The following C17orf75 variants were observed in gnomAD, a reference collection of about 807,000 sequenced individuals.
C17orf75 encodes the protein chromosome 17 open reading frame 75.
C17orf75 carries 32 observed loss-of-function variants against 49.6 expected under a neutral mutation model. That is an observed-to-expected ratio of 0.65 (90% confidence interval 0.49 to 0.87). C17orf75 has a LOEUF of 0.87. C17orf75 is among the 40% of genes least tolerant of loss of function. The pLI is 0.00. For missense variants in C17orf75, 428 were observed against 473.9 expected (o/e 0.90, Z 0.90); for synonymous variants, 158 against 159.5 (o/e 0.99, Z 0.07).
chr17:32,338,324 A>G lies in C17orf75; in HGVS notation c.375T>C (p.Tyr125=). 6.2e-7 allele frequency: 1 copy of G among 1,609,024 alleles called. No homozygotes were observed. Among genetic ancestry groups the G allele is most frequent in the Non-Finnish European group, 8.5e-7 (1 of 1,178,770 alleles). The stretch of plus-strand genomic sequence containing the variant: ...GTTTTTCATTTTGGAAAAGGCAGTA[A>G]TAACAACCAACTCGGTAACCTGGAA... The part of the protein sequence containing the change: ...LKIPGYRVGC[Y]YCLFQNEKLL... Residue 125 remains tyrosine (Y), a synonymous_variant, in exon 4 of 10, where the codon TAT becomes TAC. Coordinates refer to ENST00000577809, the MANE Select transcript of C17orf75 (RefSeq NM_022344.4).
chr17:32,345,717 C>T (rs1271891430), upstream of C17orf75, among the ~76,000 whole-genome samples: 1 of 152,118 alleles, frequency 6.6e-6, no homozygotes, highest in Admixed American at 6.6e-5. Flanking sequence ...GTAGTCCCAG[C>T]TACTCGGGAG....
intron 5 of C17orf75, among the ~76,000 whole-genome samples, chr17:32,337,339 T>C (rs1353013852): frequency 6.6e-6 from 1 of 151,938 alleles, no homozygotes; most frequent in African/African-American, 2.4e-5. Flanking sequence ...GGTATTTGCC[T>C]GTAGTCCCAG....
chr17:32,349,190 A>G (rs2041458207), intron 1 of C17orf75, among the ~76,000 whole-genome samples: 2 of 151,990 alleles, frequency 1.3e-5, no homozygotes, highest in Non-Finnish European at 2.9e-5. Context: ...TCTTACCACG[A>G]TTAGTTTTTC....
At chr17:32,339,720 G>A in intron 3 of C17orf75, 93 bp downstream of exon 3, 1 of 1,513,980 alleles carries the variant, frequency 6.6e-7, no homozygotes, top group Non-Finnish European at 8.9e-7. Flanking sequence ...AAATTCTGCA[G>A]GTCTAGTAGG....
chr17:32,348,867 C>CGTTTTTTTTT (rs2041451084), intron 1 of C17orf75, among the ~76,000 whole-genome samples: 1 of 108,848 alleles, frequency 9.2e-6, no homozygotes, highest in Non-Finnish European at 1.8e-5. Context: ...CAGCTCCAGT[C>CGTTTTTTTTT]TTTTTTTTTT....
At position 32,333,826 on chromosome 17, in the gene C17orf75, T is replaced by C. The variant is rs144733907; in HGVS notation, c.872-306A>G. 1.2e-4 allele frequency among the ~76,000 whole-genome samples: 19 copies of C among 152,202 alleles called. No individual in the cohort carries two copies. In the East Asian group the frequency reaches 3.3e-3, roughly 26 times the overall value. On this transcript the variant is annotated intron_variant, in intron 8 of 9. Coordinates refer to ENST00000577809, the MANE Select transcript of C17orf75 (RefSeq NM_022344.4). Reference sequence around the variant, plus strand: ...ATTATTTAAGACATGTATAATGGCCTAAAAAAACAGTGTGCTCACCACATG... The same window carrying C: ...ATTATTTAAGACATGTATAATGGCCCAAAAAAACAGTGTGCTCACCACATG...
Position 32,338,365 on chromosome 17 carries a change from A to G in C17orf75, c.348-14T>C. 1 of 1,595,750 alleles carries G rather than the reference A, an allele frequency of 6.3e-7. No individual in the cohort carries two copies. Among genetic ancestry groups the G allele is most frequent in the Non-Finnish European group, 8.5e-7 (1 of 1,175,002 alleles). The stretch of plus-strand genomic sequence containing the variant: ...TAACCTGGAATTCTAGAAAAGAAAG[A>G]AAATGTAAAATGCATTATTTTGGTT... On this transcript the variant is annotated splice_polypyrimidine_tract_variant and intron_variant, in intron 3 of 9. Coordinates refer to ENST00000577809, the MANE Select transcript of C17orf75 (RefSeq NM_022344.4).
chr17:32,337,309 A>G (rs927161479), intron 5 of C17orf75, among the ~76,000 whole-genome samples: 5 of 151,952 alleles, frequency 3.3e-5, no homozygotes, highest in African/African-American at 1.2e-4. Flanking sequence ...AAAAAATACC[A>G]AAAGTTAGCC....
chr17:32,333,944 C>T (rs1395437599), intron 8 of C17orf75, among the ~76,000 whole-genome samples: 1 of 152,194 alleles, frequency 6.6e-6, no homozygotes, highest in African/African-American at 2.4e-5. Context: ...ATCATTCCCA[C>T]AGACGTCTTT....
upstream of C17orf75, among the ~76,000 whole-genome samples, chr17:32,345,372 A>T (rs2041417594): frequency 6.6e-6 from 1 of 151,984 alleles, no homozygotes; most frequent in African/African-American, 2.4e-5. Flanking sequence ...GCTACTCAGA[A>T]GGCTGAGGCA....
At chr17:32,335,480 C>A in intron 5 of C17orf75, 38 bp from the exon 6 acceptor site, 1 of 1,604,638 alleles carries the variant, frequency 6.2e-7, no homozygotes, top group Non-Finnish European at 8.5e-7. Flanking sequence ...TTAATATAAG[C>A]CTTTCCTTTA....
At chr17:32,334,223 TA>T (rs1393022115) in intron 8 of C17orf75, among the ~76,000 whole-genome samples, 1 of 152,248 alleles carries the variant, frequency 6.6e-6, no homozygotes, top group Non-Finnish European at 1.5e-5. Context: ...ATGGACATTT[TA>T]AAATTCATCT....
chr17:32,338,357 A>G lies in C17orf75; in HGVS notation c.348-6T>C. The G allele has an allele frequency of 6.3e-7, 1 of 1,596,496 alleles. No individual in the cohort carries two copies. The highest frequency in any genetic ancestry group is 8.5e-7 in the Non-Finnish European group (1 of 1,175,630). Reference sequence around the variant, plus strand: ...CAACTCGGTAACCTGGAATTCTAGAAAAGAAAGAAAATGTAAAATGCATTA... The same window carrying G: ...CAACTCGGTAACCTGGAATTCTAGAGAAGAAAGAAAATGTAAAATGCATTA... On this transcript the variant is annotated splice_polypyrimidine_tract_variant and splice_region_variant and intron_variant, in intron 3 of 9. Transcript: ENST00000577809.
At chr17:32,344,204 G>C (rs2041407082), upstream of C17orf75, 7 of 436,236 alleles carry the variant, frequency 1.6e-5, no homozygotes, top group Non-Finnish European at 2.9e-5. Context: ...TCACTTTGTT[G>C]CTCAGGCTGG....
chr17:32,349,618 C>G (rs564272576), intron 1 of C17orf75, among the ~76,000 whole-genome samples: 3 of 152,108 alleles, frequency 2.0e-5, no homozygotes, highest in African/African-American at 7.2e-5. Context: ...CAAAACTTTA[C>G]TTGACAACCC....
chr17:32,349,012 C>A (rs577077411), intron 1 of C17orf75, among the ~76,000 whole-genome samples: 1 of 151,910 alleles, frequency 6.6e-6, no homozygotes, highest in Non-Finnish European at 1.5e-5. Context: ...GTTACAGGCG[C>A]CTGCCACTAC....
intron 1 of C17orf75, among the ~76,000 whole-genome samples, chr17:32,348,332 C>A (rs142430073): frequency 3.5e-4 from 54 of 152,152 alleles, no homozygotes; most frequent in Non-Finnish European, 6.6e-4. Flanking sequence ...CCAAACTGAT[C>A]CTTTAAAATT....
chr17:32,331,771 T>C lies in C17orf75; in HGVS notation c.1183A>G (p.Ser395Gly), dbSNP rs546486052. Reference sequence around the variant, plus strand: ...TATCTCAAAACATATGATCAAAAACTTTGGTCAAGAGCTTCTTTCATGAAT... The same window carrying C: ...TATCTCAAAACATATGATCAAAAACCTTGGTCAAGAGCTTCTTTCATGAAT... ...EEFMKEALDQ[S>G]F The change falls in exon 10 of 10, where the codon AGT becomes GGT. Residue 395 changes from serine to glycine, a missense_variant. Ser to Gly is a moderately conservative substitution (Grantham distance 56). Transcript: ENST00000577809. 9 of 1,612,304 alleles carry C rather than the reference T, an allele frequency of 5.6e-6. No homozygotes were observed. Among genetic ancestry groups the C allele is most frequent in the South Asian group, 5.5e-5 (5 of 91,028 alleles).
chr17:32,346,014 A>G (rs1345241534), upstream of C17orf75, among the ~76,000 whole-genome samples: 1 of 152,020 alleles, frequency 6.6e-6, no homozygotes, highest in Non-Finnish European at 1.5e-5. Context: ...ATCCATAAAT[A>G]TTTCTCTATG....
Sources: gnomAD v4.1 joint callset for allele counts (sites outside exome capture counted in the v4.1 genomes callset) on GRCh38, gnomAD v4.1.1 for gene constraint, MANE v1.5 for transcripts, NCBI Gene and HGNC (gene_info 2026-07-23, HGNC 2026-07-21) for gene names.